The following OTOGL variants were observed in gnomAD, a reference collection of about 807,000 sequenced individuals.
OTOGL encodes otogelin-like protein.
Under a neutral mutation model 318.5 loss-of-function variants are expected in OTOGL, and 285 were observed. The observed-to-expected ratio is 0.89, with a 90% CI of 0.81 to 0.99. The LOEUF is 0.99. OTOGL is among the 50% of genes least tolerant of loss of function. The pLI, the probability that OTOGL is intolerant of heterozygous loss-of-function variation, is 0.00. For synonymous variants in OTOGL, 987 were observed against 936.5 expected, an observed-to-expected ratio of 1.05 and a Z score of -0.99; for missense variants, 2,899 against 2,845.6, an observed-to-expected ratio of 1.02 and a Z score of -0.43.
chr12:80,102,889 T>C (rs1869224356), intron 1 of OTOGL: 6 of 792,852 alleles, frequency 7.6e-6, no homozygotes, highest in South Asian at 6.7e-5. Context: ...AAAGCTTGTA[T>C]ATAAGATTAT....
At chr12:80,216,164 T>C (rs1004052463) in intron 4 of OTOGL, among the ~76,000 whole-genome samples, 1 of 152,038 alleles carries the variant, frequency 6.6e-6, no homozygotes, top group Non-Finnish European at 1.5e-5. Context: ...AAAAATGATA[T>C]AGCACGGGTA....
chr12:80,347,065 A>G (rs927167210), intron 44 of OTOGL, among the ~76,000 whole-genome samples: 9 of 152,184 alleles, frequency 5.9e-5, no homozygotes, highest in Non-Finnish European at 1.2e-4. Flanking sequence ...GCCTGGTCCA[A>G]TGACAAAGCT....
At position 80,270,073 on chromosome 12, in the gene OTOGL, C is replaced by T. The variant is rs114006737; in HGVS notation, c.2466-29C>T. 5,432 of 1,510,660 alleles carry T rather than the reference C, an allele frequency of 3.6e-3. 141 individuals carry two copies. In the African/African-American group the frequency reaches 0.064, roughly 18 times the overall value. 93.6% of individuals were successfully genotyped at this position (1,510,660 alleles called of 1,614,324 possible). On this transcript the variant is annotated intron_variant, in intron 22 of 58. Coordinates refer to ENST00000547103, the MANE Select transcript of OTOGL (RefSeq NM_001378609.3). ...AAAAAAAAAAACAACAGATTTGGTT[C>T]CATAAATTAACTATTTATTTACTTC...
At chr12:80,312,319 GC>G (rs1886687549) in intron 30 of OTOGL, among the ~76,000 whole-genome samples, 1 of 152,126 alleles carries the variant, frequency 6.6e-6, no homozygotes, top group Non-Finnish European at 1.5e-5. Context: ...GTGCTATTAA[GC>G]CACACATTAA....
At position 80,251,568 on chromosome 12, in the gene OTOGL, T is replaced by C. The variant is rs375663167; in HGVS notation, c.1053-125T>C. The stretch of plus-strand genomic sequence containing the variant: ...TAAGATATATTATGAGTGACACATA[T>C]GCTGACATCAATTAACATCGGAGTA... On this transcript the variant is annotated intron_variant, in intron 11 of 58. Coordinates refer to ENST00000547103, the MANE Select transcript of OTOGL (RefSeq NM_001378609.3). 2.2e-4 allele frequency: 142 copies of C among 660,146 alleles called. 1 individual carries two copies. In the African/African-American group the frequency reaches 2.2e-3, roughly 10 times the overall value. 40.9% of individuals were successfully genotyped at this position (660,146 alleles called of 1,614,324 possible). A position where few individuals can be genotyped will look rare whatever the true frequency, so the allele number is the denominator to read the frequency against.
At chr12:80,262,733 T>C (rs1882646456) in intron 19 of OTOGL, among the ~76,000 whole-genome samples, 1 of 152,112 alleles carries the variant, frequency 6.6e-6, no homozygotes, top group Non-Finnish European at 1.5e-5. Flanking sequence ...AAAAAAGATA[T>C]ACATGTATAT....
chr12:80,306,014 A>G (rs960790864), intron 29 of OTOGL, among the ~76,000 whole-genome samples: 8 of 152,198 alleles, frequency 5.3e-5, no homozygotes, highest in African/African-American at 1.7e-4. Context: ...TCACCATAGC[A>G]AAATGCCAAT....
intron 1 of OTOGL, among the ~76,000 whole-genome samples, chr12:80,140,007 C>T (rs1237177485): frequency 1.3e-5 from 2 of 152,154 alleles, no homozygotes; most frequent in Non-Finnish European, 2.9e-5. Context: ...CATTCTCTTA[C>T]CATGCTATTT....
At chr12:80,119,336 G>A (rs961570406) in intron 1 of OTOGL, among the ~76,000 whole-genome samples, 1 of 152,182 alleles carries the variant, frequency 6.6e-6, no homozygotes, top group African/African-American at 2.4e-5. Context: ...ATAGTTCACA[G>A]TCAGAAGGGT....
Position 80,210,948 on chromosome 12 carries a change from C to T in OTOGL, c.119+62C>T, listed in dbSNP as rs1009635709. 63 of 1,126,492 alleles carry T rather than the reference C, an allele frequency of 5.6e-5. No homozygotes were observed. In the African/African-American group the frequency reaches 9.6e-4, roughly 17 times the overall value. 69.8% of individuals were successfully genotyped at this position (1,126,492 alleles called of 1,614,324 possible). On this transcript the variant is annotated intron_variant, in intron 3 of 58. Transcript: ENST00000547103. The stretch of plus-strand genomic sequence containing the variant: ...AAAGTTAATGGGAATGAGCAAACCT[C>T]AGCAGGCAACTATATCTGCTTTTGA...
intron 3 of OTOGL, 21 bp downstream of exon 3, chr12:80,210,907 G>C: frequency 6.9e-7 from 1 of 1,444,498 alleles, no homozygotes; most frequent in Non-Finnish European, 9.2e-7. Context: ...CTTGTTCTTC[G>C]TGTCCTCTAA....
chr12:80,123,237 T>C (rs1318392746), intron 1 of OTOGL, among the ~76,000 whole-genome samples: 1 of 151,762 alleles, frequency 6.6e-6, no homozygotes, highest in Non-Finnish European at 1.5e-5. Flanking sequence ...CCTGTGTCCA[T>C]GTGTTCTCCT....
chr12:80,155,530 T>G (rs1873056772), intron 1 of OTOGL, among the ~76,000 whole-genome samples: 2 of 152,224 alleles, frequency 1.3e-5, no homozygotes, highest in African/African-American at 4.8e-5. Flanking sequence ...GTACATGAGA[T>G]GTTTTGATGC....
At chr12:80,174,097 C>T (rs190549441) in intron 1 of OTOGL, among the ~76,000 whole-genome samples, 22 of 152,274 alleles carry the variant, frequency 1.4e-4, no homozygotes, top group East Asian at 7.7e-4. Context: ...AGGCTTTCCA[C>T]GAACTGGGCA....
At chr12:80,161,434 T>C (rs1041052398) in intron 1 of OTOGL, among the ~76,000 whole-genome samples, 27 of 152,082 alleles carry the variant, frequency 1.8e-4, no homozygotes, top group African/African-American at 6.5e-4. Context: ...GTAACTTAAA[T>C]GACATTGTGC....
chr12:80,375,880 G>A (rs1015825512), intron 57 of OTOGL, among the ~76,000 whole-genome samples: 1 of 151,986 alleles, frequency 6.6e-6, no homozygotes, highest in Non-Finnish European at 1.5e-5. Context: ...ACTGAGCCTC[G>A]AGTCACACCA....
chr12:80,156,571 G>A (rs1042557910), intron 1 of OTOGL, among the ~76,000 whole-genome samples: 1 of 152,110 alleles, frequency 6.6e-6, no homozygotes, highest in Non-Finnish European at 1.5e-5. Context: ...GGAGATAATT[G>A]AGTCATGAGG....
intron 17 of OTOGL, among the ~76,000 whole-genome samples, chr12:80,256,678 G>A (rs1219002005): frequency 1.3e-5 from 2 of 152,056 alleles, no homozygotes; most frequent in Admixed American, 1.3e-4. Flanking sequence ...GACTTTGGAA[G>A]GGAAGAGAGA....
At chr12:80,239,051 C>G in intron 10 of OTOGL, 73 bp downstream of exon 10, 2 of 1,414,468 alleles carry the variant, frequency 1.4e-6, no homozygotes, top group Non-Finnish European at 1.9e-6. Flanking sequence ...ATTAACTAAG[C>G]ATTTTTTAGT....
Sources: allele counts gnomAD v4.1 joint callset (sites outside exome capture counted in the v4.1 genomes callset), GRCh38; gene constraint gnomAD v4.1.1; transcripts MANE v1.5; gene names NCBI Gene and HGNC (gene_info 2026-07-23, HGNC 2026-07-21).